RAB9A: variants seen among roughly 807,000 people sequenced by gnomAD.
RAB9A encodes RAB9A, member RAS oncogene family, also known as ras-related protein Rab-9A.
RAB9A carries 1 observed loss-of-function variant against 10.3 expected under a neutral mutation model. That is an observed-to-expected ratio of 0.10 (90% CI 0.03 to 0.46). RAB9A has a LOEUF of 0.46. RAB9A is among the 20% of genes least tolerant of loss of function. The pLI is 0.96. For synonymous variants in RAB9A, 39 were observed against 55.2 expected, an observed-to-expected ratio of 0.71 and a Z score of 1.30; for missense variants, 92 against 150.3, an observed-to-expected ratio of 0.61 and a Z score of 2.03.
At chrX:13,704,114 C>T (rs2046186901) in intron 2 of RAB9A, among the ~76,000 whole-genome samples, 2 of 112,018 alleles carry the variant, frequency 1.8e-5, no homozygotes, top group South Asian at 3.7e-4. Flanking sequence ...TCCTATATCA[C>T]GTTGGTGCCC....
intron 1 of RAB9A, among the ~76,000 whole-genome samples, chrX:13,698,139 A>G (rs1602696635): frequency 9.8e-6 from 1 of 102,503 alleles, no homozygotes; most frequent in African/African-American, 3.6e-5. Flanking sequence ...ATATAGTTTC[A>G]TGATGGTTTA....
intron 1 of RAB9A, among the ~76,000 whole-genome samples, chrX:13,696,494 C>T (rs946595840): frequency 2.7e-5 from 3 of 111,859 alleles, no homozygotes; most frequent in Non-Finnish European, 5.6e-5. Flanking sequence ...ATGGCTACAC[C>T]TGAGAGAATT....
rs772882790 is a variant in RAB9A, at chrX:13,709,013, C to T, written c.267C>T (p.Val89=). ...GSDCCLLTFS[V]DDSQSFQNLS... is the part of the protein sequence containing the mutation. ...ACTGCTGCCTGCTTACTTTTAGTGT[C>T]GATGATTCACAAAGCTTCCAGAACT... The change falls in exon 3 of 3, where the codon GTC becomes GTT. Residue 89 remains valine (V), a synonymous_variant. Coordinates refer to ENST00000464506, the MANE Select transcript of RAB9A (RefSeq NM_004251.5). 2.6e-5 allele frequency: 32 copies of T among 1,209,156 alleles called. No homozygotes were observed. Among genetic ancestry groups the T allele is most frequent in the Middle Eastern group, 2.3e-4 (1 of 4,373 alleles).
At chrX:13,694,173 T>TG (rs1026197805) in intron 1 of RAB9A, among the ~76,000 whole-genome samples, 15 of 110,424 alleles carry the variant, frequency 1.4e-4, no homozygotes, top group African/African-American at 3.3e-4. Flanking sequence ...TAGAAAAACC[T>TG]GGGAAAAAAA....
intron 1 of RAB9A, among the ~76,000 whole-genome samples, chrX:13,698,468 A>T (rs996356149): frequency 1.8e-5 from 2 of 111,118 alleles, no homozygotes; most frequent in Non-Finnish European, 3.8e-5. Context: ...GGTAATGCTC[A>T]GTGATTAACT....
intron 1 of RAB9A, among the ~76,000 whole-genome samples, chrX:13,696,136 G>A (rs747342608): frequency 1.2e-4 from 13 of 109,361 alleles, no homozygotes; most frequent in African/African-American, 3.7e-4. Context: ...GGCCAGGCAC[G>A]GTGGCTCACA....
intron 1 of RAB9A, among the ~76,000 whole-genome samples, chrX:13,702,660 C>T (rs2046179442): frequency 9.0e-6 from 1 of 111,651 alleles, no homozygotes; most frequent in Admixed American, 9.5e-5. Context: ...TGAGAGAGCC[C>T]CAGGTTTACA....
chrX:13,692,867 T>C lies in RAB9A; in HGVS notation c.-116+3579T>C, dbSNP rs773758840. The stretch of plus-strand genomic sequence containing the variant: ...TTCTTTGCTGATGAATAGATTTCTC[T>C]GCCTCTTATCAGGAGTTGTCTGCTG... On this transcript the variant is annotated intron_variant, in intron 1 of 2. Coordinates refer to ENST00000464506, the MANE Select transcript of RAB9A (RefSeq NM_004251.5). Among the ~76,000 whole-genome samples, 12 of 112,721 alleles carry C rather than the reference T, an allele frequency of 1.1e-4. No homozygotes were observed. In the East Asian group the frequency reaches 3.3e-3, roughly 31 times the overall value.
intron 1 of RAB9A, among the ~76,000 whole-genome samples, chrX:13,692,358 A>G (rs1269955711): frequency 1.8e-5 from 2 of 111,884 alleles, no homozygotes; most frequent in African/African-American, 6.5e-5. Flanking sequence ...TCGGCACAGA[A>G]GTACCTGTGT....
chrX:13,695,474 C>T (rs1482272342), intron 1 of RAB9A, among the ~76,000 whole-genome samples: 1 of 111,586 alleles, frequency 9.0e-6, no homozygotes, highest in African/African-American at 3.3e-5. Context: ...GTGCTATATG[C>T]CAGGTACCTA....
At chrX:13,705,373 G>A (rs1432657471) in intron 2 of RAB9A, among the ~76,000 whole-genome samples, 1 of 111,649 alleles carries the variant, frequency 9.0e-6, no homozygotes, top group Non-Finnish European at 1.9e-5. Flanking sequence ...GATGGGAAAT[G>A]TAAAAAATTG....
At chrX:13,704,756 A>G (rs1448646227) in intron 2 of RAB9A, among the ~76,000 whole-genome samples, 1 of 110,290 alleles carries the variant, frequency 9.1e-6, no homozygotes, top group Non-Finnish European at 1.9e-5. Flanking sequence ...CTGGGATTAC[A>G]GGCATGTGCT....
rs761802713 is a variant in RAB9A, at chrX:13,709,819, T to C, written c.*467T>C. 1.6e-5 allele frequency: 2 copies of C among 124,225 alleles called. No homozygotes were observed. The highest frequency in any genetic ancestry group is 2.8e-4 in the East Asian group (1 of 3,635). The allele number at this position is 124,225 out of a possible 1,213,427, so 10.2% of individuals were successfully genotyped here. On this transcript the variant is annotated 3_prime_UTR_variant, in exon 3 of 3. Transcript: ENST00000464506. ...ATATTAAAGATTAAAATCTAATGTA[T>C]TTGCAATGCATTGTTAATTTACTTC...
At chrX:13,702,316 T>C (rs1345814579) in intron 1 of RAB9A, among the ~76,000 whole-genome samples, 3 of 111,223 alleles carry the variant, frequency 2.7e-5, no homozygotes, top group African/African-American at 9.8e-5. Context: ...CAAACCTACT[T>C]CCCCTGGGTC....
intron 2 of RAB9A, 136 bp from the exon 3 acceptor site, chrX:13,708,585 C>T: frequency 3.8e-6 from 2 of 525,612 alleles, no homozygotes; most frequent in Non-Finnish European, 6.0e-6. Flanking sequence ...GCTAAGTGCT[C>T]AGTAAACAAC....
At chrX:13,691,955 G>C (rs923721377) in intron 1 of RAB9A, among the ~76,000 whole-genome samples, 1 of 108,671 alleles carries the variant, frequency 9.2e-6, no homozygotes, top group Non-Finnish European at 1.9e-5. Flanking sequence ...TTATTGCCTG[G>C]GCTACTCAAG....
chrX:13,704,495 T>C (rs1221965025), intron 2 of RAB9A, among the ~76,000 whole-genome samples: 2 of 111,946 alleles, frequency 1.8e-5, no homozygotes, highest in Non-Finnish European at 3.8e-5. Context: ...TATGAAAACA[T>C]ACACTGCTAA....
intron 1 of RAB9A, among the ~76,000 whole-genome samples, chrX:13,703,030 T>G (rs1354037575): frequency 8.8e-6 from 1 of 113,095 alleles, no homozygotes; most frequent in Non-Finnish European, 1.9e-5. Context: ...CACATGTGCT[T>G]TATGCTACAT....
intron 1 of RAB9A, among the ~76,000 whole-genome samples, chrX:13,693,982 A>G (rs774357799): frequency 7.1e-5 from 8 of 111,897 alleles, no homozygotes; most frequent in African/African-American, 2.6e-4. Flanking sequence ...AACTGGACAC[A>G]TTCATTTCAT....
Sources: gnomAD v4.1 joint callset for allele counts (sites outside exome capture counted in the v4.1 genomes callset) on GRCh38, gnomAD v4.1.1 for gene constraint, MANE v1.5 for transcripts, NCBI Gene and HGNC (gene_info 2026-07-23, HGNC 2026-07-21) for gene names.